The following LRP1B variants were observed in gnomAD, a reference collection of about 807,000 sequenced individuals.
The protein encoded by LRP1B is low-density lipoprotein receptor-related protein 1B.
A neutral mutation model predicts 556.6 loss-of-function variants in LRP1B; 217 were observed. The observed-to-expected ratio is 0.39, with a 90% CI of 0.35 to 0.44. The LOEUF (loss-of-function observed/expected upper bound fraction) is 0.44, where lower values mean the gene tolerates loss of function less well. Ranked by LOEUF, LRP1B falls within the 20% of genes least tolerant of loss-of-function variation. The pLI, the probability that LRP1B is intolerant of heterozygous loss-of-function variation, is 1.00. For synonymous variants in LRP1B, 2,047 were observed against 1,865.8 expected (o/e 1.10, Z -2.50); for missense variants, 5,053 against 5,620.8 (o/e 0.90, Z 3.23).
chr2:141,968,365 A>G (rs759658563), intron 1 of LRP1B, among the ~76,000 whole-genome samples: 3 of 151,806 alleles, frequency 2.0e-5, no homozygotes, highest in Non-Finnish European at 4.4e-5. Flanking sequence ...TACTTTAGAA[A>G]TGCAGACTCC....
chr2:141,269,132 CTT>C (rs1273287926), intron 3 of LRP1B, among the ~76,000 whole-genome samples: 1 of 152,132 alleles, frequency 6.6e-6, no homozygotes, highest in Non-Finnish European at 1.5e-5. Context: ...AGAATATTAA[CTT>C]TATTGGTAAC....
At chr2:140,490,366 A>C (rs1306475163) in intron 57 of LRP1B, among the ~76,000 whole-genome samples, 1 of 152,088 alleles carries the variant, frequency 6.6e-6, no homozygotes, top group Non-Finnish European at 1.5e-5. Context: ...TACTACAGTT[A>C]TGTTGTAGAA....
chr2:141,139,781 A>ATGTGTGTG (rs58413685), intron 7 of LRP1B, among the ~76,000 whole-genome samples: 73 of 148,132 alleles, frequency 4.9e-4, no homozygotes, highest in Non-Finnish European at 7.1e-4. Flanking sequence ...CATTGGAAAA[A>ATGTGTGTG]TGTGTGTGTG....
chr2:141,862,707 T>A (rs1698286855), intron 1 of LRP1B, among the ~76,000 whole-genome samples: 1 of 152,220 alleles, frequency 6.6e-6, no homozygotes. Context: ...TTGCCCAGCA[T>A]GGACAGGTGT....
intron 12 of LRP1B, among the ~76,000 whole-genome samples, chr2:141,018,375 T>C (rs931981763): frequency 6.6e-6 from 1 of 152,116 alleles, no homozygotes; most frequent in Non-Finnish European, 1.5e-5. Context: ...TAGGAAGACA[T>C]GACAGGGATG....
At chr2:141,890,323 C>CATATATATATACATAT (rs1699244757) in intron 1 of LRP1B, among the ~76,000 whole-genome samples, 3 of 83,818 alleles carry the variant, frequency 3.6e-5, no homozygotes, top group African/African-American at 1.3e-4. Context: ...GGGCACAATA[C>CATATATATATACATAT]ATATATATAT....
intron 2 of LRP1B, among the ~76,000 whole-genome samples, chr2:141,691,465 A>AACACACACAC (rs10522926): frequency 1.5e-5 from 2 of 133,180 alleles, no homozygotes; most frequent in African/African-American, 2.9e-5. Context: ...GTAATCAGCC[A>AACACACACAC]ACACACACAC....
At chr2:140,412,772 G>C (rs562138197) in intron 66 of LRP1B, among the ~76,000 whole-genome samples, 1 of 152,038 alleles carries the variant, frequency 6.6e-6, no homozygotes, top group East Asian at 1.9e-4. Context: ...AATGTTTGCC[G>C]TTTTTTACAT....
In LRP1B at chr2:140,239,509, G is replaced by C. The variant is rs1183421556; in HGVS notation, c.13348C>G (p.Leu4450Val). 2 of 1,604,054 alleles carry C rather than the reference G, an allele frequency of 1.2e-6. No individual in the cohort carries two copies. The highest frequency in any genetic ancestry group is 2.7e-5 in the African/African-American group (2 of 74,222). The change falls in exon 88 of 91, where the codon CTC becomes GTC. Residue 4450 changes from leucine (L) to valine (V), a missense_variant. Coordinates refer to ENST00000389484, the MANE Select transcript of LRP1B (RefSeq NM_018557.3). The stretch of plus-strand genomic sequence containing the variant: ...GTTATCAAAGTCACCAAGAGGACGA[G>C]AGGCACAATGATGGCAATGCTTCCT... Reference protein sequence around the residue: ...STRSIAIIVPLVLLVTLITTL... With the variant: ...STRSIAIIVPVVLLVTLITTL...
intron 7 of LRP1B, among the ~76,000 whole-genome samples, chr2:141,178,821 A>G (rs1201758063): frequency 6.6e-6 from 1 of 151,402 alleles, no homozygotes; most frequent in Non-Finnish European, 1.5e-5. Flanking sequence ...CTACAGCTAT[A>G]AAATGAAAGG....
intron 2 of LRP1B, among the ~76,000 whole-genome samples, chr2:141,712,370 AC>A (rs1163491826): frequency 6.7e-6 from 1 of 148,948 alleles, no homozygotes; most frequent in Non-Finnish European, 1.5e-5. Context: ...CAGAACTGAG[AC>A]CCTGTCTAAA....
chr2:140,970,392 C>G (rs1696376317), intron 18 of LRP1B, among the ~76,000 whole-genome samples: 1 of 152,128 alleles, frequency 6.6e-6, no homozygotes, highest in African/African-American at 2.4e-5. Flanking sequence ...TTCAGGACTT[C>G]TCTACACTTG....
At chr2:141,360,528 T>C (rs147148675) in intron 3 of LRP1B, among the ~76,000 whole-genome samples, 5 of 152,246 alleles carry the variant, frequency 3.3e-5, no homozygotes, top group African/African-American at 1.2e-4. Context: ...TCTTTACTTT[T>C]GTTCTTTCTT....
rs1220083859 is a variant in LRP1B, at chr2:142,115,849, T to TC, written c.82+14798_82+14799insG. Reference sequence around the variant, plus strand: ...ATATATCATATATATGTAATATATATATATACATATATATATATATGGGGG... The same window carrying TC: ...ATATATCATATATATGTAATATATATCATATACATATATATATATATGGGGG... On this transcript the variant is annotated intron_variant, in intron 1 of 90. Transcript: ENST00000389484. Among the ~76,000 whole-genome samples the TC allele has an allele frequency of 2.7e-3, 27 of 9,970 alleles. 5 individuals carry two copies. Among genetic ancestry groups the TC allele is most frequent in the African/African-American group, 8.8e-3 (25 of 2,842 alleles). 6.5% of individuals were successfully genotyped at this position (9,970 alleles called of 152,430 possible).
chr2:141,447,749 G>A (rs1434854891), intron 3 of LRP1B, among the ~76,000 whole-genome samples: 1 of 152,162 alleles, frequency 6.6e-6, no homozygotes, highest in Non-Finnish European at 1.5e-5. Flanking sequence ...AGAGGCTACA[G>A]GACAGCAAAG....
chr2:141,067,934 G>A (rs916248585), intron 7 of LRP1B, among the ~76,000 whole-genome samples: 3 of 151,934 alleles, frequency 2.0e-5, no homozygotes, highest in Non-Finnish European at 2.9e-5. Flanking sequence ...AAGAAGACAT[G>A]TCTCCCTTGA....
chr2:140,390,282 C>T (rs1683958381), intron 66 of LRP1B, among the ~76,000 whole-genome samples: 1 of 151,896 alleles, frequency 6.6e-6, no homozygotes, highest in South Asian at 2.1e-4. Context: ...TACTATTGGA[C>T]AAAATGAATT....
intron 79 of LRP1B, among the ~76,000 whole-genome samples, chr2:140,326,624 A>G (rs1474268251): frequency 1.3e-5 from 2 of 151,996 alleles, no homozygotes; most frequent in African/African-American, 2.4e-5. Context: ...CTGAGGCAGG[A>G]GAATCACTTG....
intron 79 of LRP1B, among the ~76,000 whole-genome samples, chr2:140,328,433 T>A (rs1351074038): frequency 6.6e-6 from 1 of 151,246 alleles, no homozygotes; most frequent in South Asian, 2.1e-4. Flanking sequence ...TTCTAAGATC[T>A]ACTAGTTCCC....
Sources: gnomAD v4.1 joint callset for allele counts (sites outside exome capture counted in the v4.1 genomes callset) on GRCh38, gnomAD v4.1.1 for gene constraint, MANE v1.5 for transcripts, NCBI Gene and HGNC (gene_info 2026-07-23, HGNC 2026-07-21) for gene names.